The following CPED1 variants were observed in gnomAD, a reference collection of about 807,000 sequenced individuals.
The protein encoded by CPED1 is cadherin like and PC-esterase domain containing 1.
CPED1 carries 114 observed loss-of-function variants against 128.2 expected under a neutral mutation model. That is an observed-to-expected ratio of 0.89 (90% CI 0.76 to 1.04). The LOEUF (loss-of-function observed/expected upper bound fraction) is 1.04, where lower values mean the gene tolerates loss of function less well. CPED1 is among the 50% of genes least tolerant of loss of function. The pLI is 0.00. For synonymous variants in CPED1, 462 were observed against 426.7 expected, an observed-to-expected ratio of 1.08 and a Z score of -1.02; for missense variants, 1,211 against 1,207.1, an observed-to-expected ratio of 1.00 and a Z score of -0.05.
At chr7:121,004,015 A>G (rs1441929948) in intron 2 of CPED1, among the ~76,000 whole-genome samples, 1 of 152,190 alleles carries the variant, frequency 6.6e-6, no homozygotes. Context: ...CCCTCCATGA[A>G]TAGGATAAGG....
At chr7:121,078,004 C>T (rs898519663) in intron 5 of CPED1, among the ~76,000 whole-genome samples, 43 of 151,606 alleles carry the variant, frequency 2.8e-4, no homozygotes, top group Non-Finnish European at 1.9e-4. Context: ...ATTTGTTTTT[C>T]GCTTCTTACT....
At chr7:121,002,997 T>G (rs183100736) in intron 2 of CPED1, among the ~76,000 whole-genome samples, 26 of 152,286 alleles carry the variant, frequency 1.7e-4, no homozygotes, top group African/African-American at 6.0e-4. Flanking sequence ...GTCAGCTGGA[T>G]CAGGGCAGAG....
intron 5 of CPED1, among the ~76,000 whole-genome samples, chr7:121,083,413 G>T (rs1166465151): frequency 1.3e-5 from 2 of 152,164 alleles, no homozygotes; most frequent in East Asian, 3.9e-4. Context: ...GGTCTTCTTG[G>T]GAGGGTTTAT....
chr7:121,115,667 A>G (rs557070073), intron 7 of CPED1, among the ~76,000 whole-genome samples: 2 of 152,328 alleles, frequency 1.3e-5, no homozygotes, highest in East Asian at 1.9e-4. Flanking sequence ...TGTAACAAAT[A>G]TTACTTAGTA....
intron 18 of CPED1, among the ~76,000 whole-genome samples, chr7:121,260,840 TA>T (rs1287117990): frequency 6.6e-6 from 1 of 152,062 alleles, no homozygotes; most frequent in Admixed American, 6.6e-5. Flanking sequence ...ACCACTTCTG[TA>T]AATATTGACG....
rs557815351 is a variant in CPED1 at position 121,099,020 on chromosome 7, T to G, written c.750-906T>G. Among the ~76,000 whole-genome samples, 289 of 151,172 alleles carry G rather than the reference T, an allele frequency of 1.9e-3. 2 individuals carry two copies. Among genetic ancestry groups the G allele is most frequent in the African/African-American group, 6.5e-3 (270 of 41,380 alleles). ...TCCTTAGTAGCCTGAGGTGTTTTTT[T>G]AATTTTTTTAATTTTTTAATATTTC... On this transcript the variant is annotated intron_variant, in intron 6 of 22. Coordinates refer to ENST00000310396, the MANE Select transcript of CPED1 (RefSeq NM_024913.5).
intron 4 of CPED1, chr7:121,061,037 A>G (rs1793655388): frequency 6.6e-6 from 1 of 152,348 alleles, no homozygotes; most frequent in African/African-American, 2.4e-5. Flanking sequence ...CAGCGAGACC[A>G]CGAACCCACC....
At chr7:120,998,399 G>A (rs963878182) in intron 2 of CPED1, among the ~76,000 whole-genome samples, 1 of 152,050 alleles carries the variant, frequency 6.6e-6, no homozygotes, top group African/African-American at 2.4e-5. Context: ...ACCTGAATAT[G>A]GATATATTAT....
chr7:121,112,914 A>G (rs1795147848), intron 7 of CPED1, among the ~76,000 whole-genome samples: 1 of 152,220 alleles, frequency 6.6e-6, no homozygotes, highest in African/African-American at 2.4e-5. Flanking sequence ...AAATGTGAGA[A>G]TAGGGAAATA....
At chr7:121,004,694 A>G (rs1791959452) in intron 2 of CPED1, among the ~76,000 whole-genome samples, 1 of 152,202 alleles carries the variant, frequency 6.6e-6, no homozygotes, top group Admixed American at 6.5e-5. Flanking sequence ...GAATTAAAGC[A>G]AGGAATTCAG....
chr7:121,140,127 T>C (rs1178758970), intron 14 of CPED1, among the ~76,000 whole-genome samples: 1 of 152,088 alleles, frequency 6.6e-6, no homozygotes, highest in Non-Finnish European at 1.5e-5. Flanking sequence ...AATAAAGCTG[T>C]AAATAATTGG....
In CPED1 at chr7:121,295,946, G is replaced by A; in HGVS notation, c.*294G>A. The A allele has an allele frequency of 7.4e-6, 2 of 271,776 alleles. No individual in the cohort carries two copies. Among genetic ancestry groups the A allele is most frequent in the Non-Finnish European group, 1.4e-5 (2 of 143,614 alleles). The allele number at this position is 271,776 out of a possible 1,614,324, so 16.8% of individuals were successfully genotyped here. A position where few individuals can be genotyped will look rare whatever the true frequency, so the allele number is the denominator to read the frequency against. The stretch of plus-strand genomic sequence containing the variant: ...ACCAGAACCACTGTGGGCCAGGTAT[G>A]GCATTGTGATAATAAAGAGAAATAT... On this transcript the variant is annotated 3_prime_UTR_variant, in exon 23 of 23. Transcript: ENST00000310396.
intron 7 of CPED1, among the ~76,000 whole-genome samples, chr7:121,113,622 A>G (rs1337176542): frequency 2.6e-5 from 4 of 152,110 alleles, no homozygotes; most frequent in Non-Finnish European, 5.9e-5. Context: ...AAGAGAAGGG[A>G]GAATCCTAGG....
At chr7:121,007,009 G>A (rs1156268587) in intron 2 of CPED1, among the ~76,000 whole-genome samples, 5 of 152,264 alleles carry the variant, frequency 3.3e-5, no homozygotes, top group African/African-American at 1.2e-4. Flanking sequence ...ACCAGGCACA[G>A]GAAGGCTAGA....
intron 17 of CPED1, among the ~76,000 whole-genome samples, chr7:121,241,347 CAAAAAAAAAAAAAAAAAAAAAA>C (rs1030223751): frequency 9.0e-4 from 5 of 5,556 alleles, no homozygotes; most frequent in East Asian, 4.0e-3. Context: ...GACTCCGTCT[CAAAAAAAAAAAAAAAAAAAAAA>C]AAAAAAAAAA....
chr7:121,019,973 C>A (rs1458995776), intron 3 of CPED1, among the ~76,000 whole-genome samples: 2 of 151,946 alleles, frequency 1.3e-5, no homozygotes, highest in Non-Finnish European at 1.5e-5. Context: ...AGTAGTATGT[C>A]ATCAAGGACT....
intron 2 of CPED1, among the ~76,000 whole-genome samples, chr7:121,006,845 G>T (rs1438671087): frequency 6.6e-6 from 1 of 152,104 alleles, no homozygotes; most frequent in African/African-American, 2.4e-5. Flanking sequence ...TCTCAAAGGA[G>T]CCTTGAAGAG....
At chr7:121,117,092 T>TAA (rs1795264698) in intron 7 of CPED1, among the ~76,000 whole-genome samples, 2 of 143,498 alleles carry the variant, frequency 1.4e-5, no homozygotes, top group African/African-American at 5.1e-5. Flanking sequence ...TATATATATA[T>TAA]ATATATAAAT....
chr7:121,189,294 G>A (rs377505659), intron 16 of CPED1, among the ~76,000 whole-genome samples: 1 of 152,266 alleles, frequency 6.6e-6, no homozygotes. Context: ...ATGAAAAAAA[G>A]AGGTTTAATT....
Sources: gnomAD v4.1 joint callset for allele counts (sites outside exome capture counted in the v4.1 genomes callset) on GRCh38, gnomAD v4.1.1 for gene constraint, MANE v1.5 for transcripts, NCBI Gene and HGNC (gene_info 2026-07-23, HGNC 2026-07-21) for gene names.